Variants in ASTN2 observed in about 807,000 individuals in gnomAD.
The protein encoded by ASTN2 is astrotactin-2.
In ASTN2, 54 loss-of-function variants were observed where a neutral mutation model predicts 139.8. That is an observed-to-expected ratio of 0.39 (90% confidence interval 0.31 to 0.48). The LOEUF is 0.48. ASTN2 is among the 20% of genes least tolerant of loss of function. ASTN2 has a pLI of 0.95. For synonymous variants in ASTN2, 756 were observed against 719.5 expected (o/e 1.05, Z -0.81); for missense variants, 1,565 against 1,725.1 (o/e 0.91, Z 1.64).
chr9:116,832,146 A>C (rs1198636534), intron 11 of ASTN2, among the ~76,000 whole-genome samples: 1 of 152,118 alleles, frequency 6.6e-6, no homozygotes, highest in Non-Finnish European at 1.5e-5. Flanking sequence ...TCACATGTTC[A>C]TTGCTAGTAT....
chr9:116,970,535 T>C (rs1030645138), intron 10 of ASTN2, among the ~76,000 whole-genome samples: 9 of 152,216 alleles, frequency 5.9e-5, no homozygotes, highest in African/African-American at 2.2e-4. Context: ...AGTATGACAT[T>C]TTTTGTTTGC....
chr9:116,788,693 C>T (rs1830445602), intron 13 of ASTN2, among the ~76,000 whole-genome samples: 1 of 152,098 alleles, frequency 6.6e-6, no homozygotes, highest in Non-Finnish European at 1.5e-5. Context: ...GCTTGTGGTC[C>T]TCCAATGTCT....
In ASTN2 at chr9:117,090,019, C is replaced by T. The variant is rs376179973; in HGVS notation, c.1276+6025G>A. 5.3e-5 allele frequency among the ~76,000 whole-genome samples: 8 copies of T among 152,316 alleles called. No homozygotes were observed. The East Asian group carries it at 1.4e-3, about 26-fold the overall frequency. On this transcript the variant is annotated intron_variant, in intron 5 of 22. Transcript: ENST00000313400. Reference sequence around the variant, plus strand: ...AGAGCATGGTGAATTTGTACACATGCTTCCTGGACCAGACATACAGGTGAG... The same window carrying T: ...AGAGCATGGTGAATTTGTACACATGTTTCCTGGACCAGACATACAGGTGAG...
At chr9:116,607,383 C>T (rs1855261342) in intron 19 of ASTN2, among the ~76,000 whole-genome samples, 1 of 152,048 alleles carries the variant, frequency 6.6e-6, no homozygotes, top group Non-Finnish European at 1.5e-5. Flanking sequence ...GAATGAAAGT[C>T]AAGTCCTAAA....
intron 19 of ASTN2, among the ~76,000 whole-genome samples, chr9:116,577,455 G>A (rs1445137776): frequency 9.3e-6 from 1 of 107,108 alleles, no homozygotes; most frequent in African/African-American, 4.0e-5. Flanking sequence ...ACTTGAGCCC[G>A]GGGGAGGTCA....
At chr9:117,268,692 T>A (rs935788646) in intron 2 of ASTN2, among the ~76,000 whole-genome samples, 2 of 152,144 alleles carry the variant, frequency 1.3e-5, no homozygotes, top group Non-Finnish European at 2.9e-5. Flanking sequence ...AAGCTCCAGG[T>A]CCCTTGTTTC....
intron 1 of ASTN2, among the ~76,000 whole-genome samples, chr9:117,389,138 T>A (rs1448811422): frequency 6.6e-6 from 1 of 152,204 alleles, no homozygotes; most frequent in Non-Finnish European, 1.5e-5. Context: ...TCTACATCAC[T>A]CTTCCCTTTG....
At chr9:116,648,005 C>CT (rs71377260) in intron 17 of ASTN2, among the ~76,000 whole-genome samples, 11,063 of 140,966 alleles carry the variant, frequency 0.078, 724 homozygotes, top group African/African-American at 0.18. Context: ...TTTTTCTTTT[C>CT]TTTTTTTTTT....
intron 1 of ASTN2, among the ~76,000 whole-genome samples, chr9:117,302,793 G>C (rs746902925): frequency 6.6e-6 from 1 of 152,154 alleles, no homozygotes; most frequent in Non-Finnish European, 1.5e-5. Context: ...TTGACATTAA[G>C]TCCAACAGCT....
At chr9:117,277,158 T>C (rs1834212958) in intron 2 of ASTN2, 1 of 152,222 alleles carries the variant, frequency 6.6e-6, no homozygotes, top group Non-Finnish European at 1.5e-5. Flanking sequence ...AGAGGAGGAC[T>C]GTTTTTTGGT....
intron 6 of ASTN2, among the ~76,000 whole-genome samples, chr9:117,039,548 C>T (rs887038812): frequency 6.6e-6 from 1 of 151,670 alleles, no homozygotes; most frequent in Non-Finnish European, 1.5e-5. Context: ...TATACCTGTG[C>T]AACAAACCTG....
In ASTN2 at chr9:116,890,789, C is replaced by A. The variant is rs536586041; in HGVS notation, c.1890-27056G>T. ...GCTCCAAGAAGAGAAGTGACCTTTT[C>A]CAGGCTGGTAAGTGGCAGGGGGGTG... On this transcript the variant is annotated intron_variant, in intron 10 of 22. Coordinates refer to ENST00000313400, the MANE Select transcript of ASTN2 (RefSeq NM_001365068.1). 6.9e-4 allele frequency among the ~76,000 whole-genome samples: 105 copies of A among 152,170 alleles called. 1 individual carries two copies. The highest frequency in any genetic ancestry group is 1.1e-3 in the Non-Finnish European group (77 of 68,004).
At chr9:117,247,023 T>C (rs1833401672) in intron 2 of ASTN2, among the ~76,000 whole-genome samples, 1 of 152,160 alleles carries the variant, frequency 6.6e-6, no homozygotes, top group African/African-American at 2.4e-5. Context: ...AGTTTCAATT[T>C]ACCAGTTGAA....
intron 10 of ASTN2, among the ~76,000 whole-genome samples, chr9:116,879,340 G>A (rs983220663): frequency 1.0e-5 from 1 of 95,962 alleles, no homozygotes; most frequent in South Asian, 3.9e-4. Context: ...ACTGGAGAGA[G>A]ACAGAGACAG....
At chr9:116,634,297 T>A (rs10983283) in intron 17 of ASTN2, among the ~76,000 whole-genome samples, 80,076 of 151,830 alleles carry the variant, frequency 0.53, 22,203 homozygotes, top group East Asian at 0.86. Context: ...AGTAACTTAA[T>A]AAGCAAAATA....
intron 4 of ASTN2, among the ~76,000 whole-genome samples, chr9:117,108,438 A>ACAC (rs1554779232): frequency 6.2e-5 from 9 of 145,234 alleles, no homozygotes; most frequent in Non-Finnish European, 1.1e-4. Flanking sequence ...AACAAAACAA[A>ACAC]ACACACACAC....
chr9:116,657,139 A>C (rs1013821479), intron 16 of ASTN2, among the ~76,000 whole-genome samples: 6 of 152,164 alleles, frequency 3.9e-5, no homozygotes, highest in African/African-American at 1.4e-4. Flanking sequence ...GACCCACACA[A>C]ATATCTTTAA....
At position 117,008,215 on chromosome 9, in the gene ASTN2, C is replaced by T. The variant is rs756643087; in HGVS notation, c.1468G>A (p.Asp490Asn). 36 of 1,609,536 alleles carry T rather than the reference C, an allele frequency of 2.2e-5. No homozygotes were observed. Among genetic ancestry groups the T allele is most frequent in the South Asian group, 4.4e-5 (4 of 90,208 alleles). Reference protein sequence around the residue: ...VSEGSYLDISDWLNPAKLSLY... With the variant: ...VSEGSYLDISNWLNPAKLSLY... ...GAAAGCTTGGCCGGGTTTAACCAGTCGGAGATGTCCAGGTAGCTCCCTTCA... is the reference window on the plus strand; with the variant it reads ...GAAAGCTTGGCCGGGTTTAACCAGTTGGAGATGTCCAGGTAGCTCCCTTCA... Residue 490 changes from aspartate to asparagine, a missense_variant, in exon 7 of 23, where the codon GAC becomes AAC. Transcript: ENST00000313400.
chr9:116,813,801 G>A (rs901315379), intron 12 of ASTN2, among the ~76,000 whole-genome samples: 35 of 152,076 alleles, frequency 2.3e-4, no homozygotes, highest in African/African-American at 6.8e-4. Context: ...TTGGGGGGCT[G>A]AGACTGGCGG....
Sources: allele counts gnomAD v4.1 joint callset (sites outside exome capture counted in the v4.1 genomes callset), GRCh38; gene constraint gnomAD v4.1.1; transcripts MANE v1.5; gene names NCBI Gene and HGNC (gene_info 2026-07-23, HGNC 2026-07-21).